The following DDX31 variants were observed in gnomAD, a reference collection of about 807,000 sequenced individuals.
DDX31 encodes ATP-dependent DNA helicase DDX31.
A neutral mutation model predicts 91.3 loss-of-function variants in DDX31; 70 were observed. The observed-to-expected ratio is 0.77, with a 90% confidence interval of 0.63 to 0.94. The LOEUF (loss-of-function observed/expected upper bound fraction) is 0.94. Among genes scored for constraint, DDX31 ranks in the 40% least tolerant of loss-of-function variants. The pLI is 0.00. For missense variants in DDX31, 902 were observed against 925.0 expected (o/e 0.98, Z 0.32); for synonymous variants, 362 against 350.6 (o/e 1.03, Z -0.36).
intron 19 of DDX31, among the ~76,000 whole-genome samples, chr9:132,598,551 GA>G (rs1830561936): frequency 6.6e-6 from 1 of 152,196 alleles, no homozygotes; most frequent in African/African-American, 2.4e-5. Flanking sequence ...CCAATAAGGT[GA>G]AATCACAGCC....
At chr9:132,608,314 A>C (rs1831135906) in intron 19 of DDX31, among the ~76,000 whole-genome samples, 1 of 152,160 alleles carries the variant, frequency 6.6e-6, no homozygotes, top group South Asian at 2.1e-4. Context: ...TGTGTAGGGG[A>C]AGATATTTAC....
In DDX31 at chr9:132,650,229, C is replaced by T. The variant is rs1248790093; in HGVS notation, c.740+5G>A. ...GGAAACAACAACCAACAAACCTCTT[C>T]CTACCTGGCCTTTTCTGATTTTCTC... On this transcript the variant is annotated splice_donor_5th_base_variant and intron_variant, in intron 9 of 19. Transcript: ENST00000372159. The T allele has an allele frequency of 1.9e-6, 3 of 1,613,930 alleles. No homozygotes were observed. Among genetic ancestry groups the T allele is most frequent in the South Asian group, 1.1e-5 (1 of 91,072 alleles).
chr9:132,617,507 A>C (rs1831719534), intron 18 of DDX31, among the ~76,000 whole-genome samples: 1 of 152,178 alleles, frequency 6.6e-6, no homozygotes, highest in Non-Finnish European at 1.5e-5. Context: ...TATTTGTCAA[A>C]TGAATGGTTT....
At chr9:132,617,563 G>A (rs545788770) in intron 18 of DDX31, among the ~76,000 whole-genome samples, 2 of 152,056 alleles carry the variant, frequency 1.3e-5, no homozygotes, top group African/African-American at 2.4e-5. Flanking sequence ...ACAGTGTTCC[G>A]ATATTGGTAA....
intron 6 of DDX31, among the ~76,000 whole-genome samples, chr9:132,655,099 T>C (rs1834479962): frequency 6.6e-6 from 1 of 152,118 alleles, no homozygotes; most frequent in Non-Finnish European, 1.5e-5. Flanking sequence ...AAAATAAAAA[T>C]GCACATTCCA....
At chr9:132,604,747 A>T (rs1273508274) in intron 19 of DDX31, among the ~76,000 whole-genome samples, 1 of 152,118 alleles carries the variant, frequency 6.6e-6, no homozygotes, top group Admixed American at 6.5e-5. Context: ...ATATACTGCC[A>T]CATCTGTCCT....
At chr9:132,625,778 T>C (rs559476442) in intron 16 of DDX31, 33 bp from the exon 17 acceptor site, 2 of 1,592,904 alleles carry the variant, frequency 1.3e-6, no homozygotes, top group South Asian at 1.1e-5. Flanking sequence ...AGGTAACTTT[T>C]TGCTCTTTCA....
At chr9:132,618,581 G>A in intron 17 of DDX31, 140 bp from the exon 18 acceptor site, 1 of 602,984 alleles carries the variant, frequency 1.7e-6, no homozygotes, top group Non-Finnish European at 2.7e-6. Context: ...AATATTACTA[G>A]GAAAAAAGGG....
rs1175475268 is a variant in DDX31, at chr9:132,595,289, C to T, written c.1995-177G>A. Among the ~76,000 whole-genome samples the T allele has an allele frequency of 1.3e-5, 2 of 152,142 alleles. No individual in the cohort carries two copies. The highest frequency in any genetic ancestry group is 6.5e-5 in the Admixed American group (1 of 15,284). ...ATTCGATGCACCAGAAGATTAGATA[C>T]GGCGCTGACAGATTTTCATAACAGC... On this transcript the variant is annotated intron_variant, in intron 19 of 19. Transcript: ENST00000372159. The surrounding 1 kb of genome is among the most constrained non-coding windows in gnomAD (Gnocchi z 4.6).
chr9:132,656,488 C>A (rs972271713), intron 6 of DDX31, among the ~76,000 whole-genome samples: 1 of 152,202 alleles, frequency 6.6e-6, no homozygotes, highest in African/African-American at 2.4e-5. Context: ...CCATGCACTG[C>A]CCGTCGGGTC....
chr9:132,606,795 G>A (rs1490307271), intron 19 of DDX31, among the ~76,000 whole-genome samples: 1 of 152,202 alleles, frequency 6.6e-6, no homozygotes, highest in East Asian at 1.9e-4. Context: ...GAGTCGGCAT[G>A]TAAGAAACCA....
chr9:132,666,474 C>A (rs1835313147), intron 1 of DDX31, among the ~76,000 whole-genome samples: 2 of 151,862 alleles, frequency 1.3e-5, no homozygotes, highest in Non-Finnish European at 2.9e-5. Context: ...TTTTAAAAAT[C>A]TTTTTTCCTA....
intron 1 of DDX31, 31 bp downstream of exon 1, chr9:132,669,829 G>A: frequency 6.5e-7 from 1 of 1,548,338 alleles, no homozygotes; most frequent in Non-Finnish European, 8.7e-7. Context: ...GCCGCGGGTG[G>A]GGACGGAGCT....
chr9:132,637,993 C>G, intron 14 of DDX31: 2 of 1,054,152 alleles, frequency 1.9e-6, no homozygotes, highest in Non-Finnish European at 2.3e-6. Flanking sequence ...AAGAACTGCA[C>G]AGACAGAACA....
At chr9:132,617,899 C>T (rs906788009) in intron 18 of DDX31, among the ~76,000 whole-genome samples, 21 of 152,204 alleles carry the variant, frequency 1.4e-4, no homozygotes, top group Non-Finnish European at 2.4e-4. Flanking sequence ...TGTTCTTTCT[C>T]GTTTTTCTTT....
At chr9:132,663,553 C>T (rs954445345) in intron 1 of DDX31, 4 of 983,002 alleles carry the variant, frequency 4.1e-6, no homozygotes, top group African/African-American at 3.5e-5. Context: ...TTTCTTTGGC[C>T]TTCTTTTCTG....
chr9:132,612,437 C>T, intron 18 of DDX31, 182 bp from the exon 19 acceptor site: 1 of 614,188 alleles, frequency 1.6e-6, no homozygotes, highest in East Asian at 3.2e-5. Flanking sequence ...AATTCCTAAA[C>T]AACAAAAAGA....
intron 13 of DDX31, among the ~76,000 whole-genome samples, chr9:132,645,013 C>T (rs1009805106): frequency 2.6e-5 from 4 of 152,142 alleles, no homozygotes; most frequent in Admixed American, 2.6e-4. Flanking sequence ...TCGTGTCAAA[C>T]CTCTAGTGTC....
At chr9:132,611,599 G>C (rs1831344194) in intron 19 of DDX31, among the ~76,000 whole-genome samples, 1 of 152,048 alleles carries the variant, frequency 6.6e-6, no homozygotes, top group Non-Finnish European at 1.5e-5. Context: ...TGGGAGGAAA[G>C]GGGAAGGGCT....
Sources: gnomAD v4.1 joint callset for allele counts (sites outside exome capture counted in the v4.1 genomes callset) on GRCh38, gnomAD v4.1.1 for gene constraint, Gnocchi (gnomAD v3.1) non-coding constraint, MANE v1.5 for transcripts, NCBI Gene and HGNC (gene_info 2026-07-23, HGNC 2026-07-21) for gene names.